KLF12: variants seen among roughly 807,000 people sequenced by gnomAD.
KLF12 encodes the protein Krueppel-like factor 12.
In KLF12, 9 loss-of-function variants were observed where a neutral mutation model predicts 37.8. That is an observed-to-expected ratio of 0.24 (90% confidence interval 0.14 to 0.42). The LOEUF is 0.42. Ranked by LOEUF, KLF12 falls within the 10% of genes least tolerant of loss-of-function variation. The probability of loss-of-function intolerance (pLI) is 1.00; values close to 1 mark genes in which losing one functional copy is unlikely to be tolerated. For missense variants in KLF12, 411 were observed against 516.0 expected (o/e 0.80, Z 1.97); for synonymous variants, 208 against 202.1 (o/e 1.03, Z -0.25).
intron 5 of KLF12, among the ~76,000 whole-genome samples, chr13:73,775,962 A>T (rs923312483): frequency 2.6e-5 from 4 of 152,204 alleles, no homozygotes; most frequent in Non-Finnish European, 5.9e-5. Flanking sequence ...ACAAAATTTT[A>T]CGTCGTTTGG....
chr13:74,101,966 T>A (rs1383756172), intron 1 of KLF12, among the ~76,000 whole-genome samples: 1 of 152,038 alleles, frequency 6.6e-6, no homozygotes, highest in African/African-American at 2.4e-5. Flanking sequence ...ACACCTGTAA[T>A]CCCAGCACTT....
intron 6 of KLF12, among the ~76,000 whole-genome samples, chr13:73,720,572 A>G (rs892214667): frequency 2.4e-4 from 37 of 152,228 alleles, no homozygotes; most frequent in African/African-American, 8.4e-4. Context: ...CATTTAGAGT[A>G]GTGAATGAAC....
At chr13:74,133,624 T>C (rs1222757302) in intron 1 of KLF12, among the ~76,000 whole-genome samples, 1 of 143,970 alleles carries the variant, frequency 6.9e-6, no homozygotes, top group African/African-American at 2.6e-5. Flanking sequence ...CTTGAGCAGA[T>C]GACAGAAGGA....
chr13:73,817,438 TG>T (rs1883296082), intron 4 of KLF12, among the ~76,000 whole-genome samples: 1 of 152,034 alleles, frequency 6.6e-6, no homozygotes, highest in Non-Finnish European at 1.5e-5. Context: ...AAAAAGTTAG[TG>T]CACCAGGTTA....
intron 2 of KLF12, among the ~76,000 whole-genome samples, chr13:73,956,857 C>T (rs1003422974): frequency 1.3e-5 from 2 of 151,156 alleles, no homozygotes; most frequent in Non-Finnish European, 2.9e-5. Flanking sequence ...CCTGGGAGGT[C>T]GAGGCTATGA....
chr13:74,213,000 T>C, the KLF12 span, among the ~76,000 whole-genome samples: 1 of 152,106 alleles, frequency 6.6e-6, no homozygotes, highest in Non-Finnish European at 1.5e-5. Flanking sequence ...ATAAAAAGTA[T>C]AATATATAAT....
the KLF12 span, among the ~76,000 whole-genome samples, chr13:74,194,709 T>C: frequency 2.0e-5 from 3 of 152,178 alleles, no homozygotes; most frequent in Admixed American, 6.5e-5. Context: ...CTAGATGACA[T>C]AGGAATTTCA....
At chr13:73,944,988 A>G (rs767335125) in intron 2 of KLF12, among the ~76,000 whole-genome samples, 13 of 152,216 alleles carry the variant, frequency 8.5e-5, no homozygotes, top group Non-Finnish European at 1.8e-4. Flanking sequence ...TTTGATTGAG[A>G]TTTTAGAATG....
At chr13:74,099,702 A>G (rs768439497) in intron 1 of KLF12, among the ~76,000 whole-genome samples, 5 of 152,204 alleles carry the variant, frequency 3.3e-5, no homozygotes, top group Non-Finnish European at 7.3e-5. Flanking sequence ...TTTCCATTTC[A>G]TAAAATTCCT....
At chr13:74,144,992 A>C in the KLF12 span, among the ~76,000 whole-genome samples, 2 of 152,282 alleles carry the variant, frequency 1.3e-5, no homozygotes, top group Admixed American at 6.5e-5. Flanking sequence ...GAAAGTGTAC[A>C]TCGTATTTAT....
At chr13:74,130,379 T>C (rs964046631) in intron 1 of KLF12, among the ~76,000 whole-genome samples, 1 of 152,188 alleles carries the variant, frequency 6.6e-6, no homozygotes, top group Admixed American at 6.5e-5. Context: ...TTTTAAAAAT[T>C]AAACTTGTAG....
At chr13:74,261,420 T>G in the KLF12 span, among the ~76,000 whole-genome samples, 1 of 152,166 alleles carries the variant, frequency 6.6e-6, no homozygotes, top group Non-Finnish European at 1.5e-5. Flanking sequence ...ATAAAAGTGC[T>G]TCGGTGGAAG....
intron 1 of KLF12, among the ~76,000 whole-genome samples, chr13:74,049,629 T>C: frequency 6.6e-6 from 1 of 152,100 alleles, no homozygotes; most frequent in Admixed American, 6.5e-5. Flanking sequence ...AAGACAATGA[T>C]GATGTGGTCT....
At chr13:73,935,313 C>T (rs778307891) in intron 3 of KLF12, among the ~76,000 whole-genome samples, 4 of 152,034 alleles carry the variant, frequency 2.6e-5, no homozygotes, top group Non-Finnish European at 4.4e-5. Context: ...TTTATTGCTA[C>T]GTATTCAGAC....
chr13:73,796,089 T>C (rs568318989), intron 5 of KLF12, among the ~76,000 whole-genome samples: 2 of 152,346 alleles, frequency 1.3e-5, no homozygotes, highest in African/African-American at 2.4e-5. Flanking sequence ...CACAAAAACA[T>C]GTTGTAATTA....
the KLF12 span, among the ~76,000 whole-genome samples, chr13:74,215,435 T>TC: frequency 1.4e-5 from 2 of 147,194 alleles, no homozygotes; most frequent in Non-Finnish European, 3.0e-5. Context: ...TTCTTTTTTT[T>TC]TTTTTTTTTT....
At chr13:73,913,535 A>C (rs1593716645) in intron 3 of KLF12, among the ~76,000 whole-genome samples, 1 of 152,188 alleles carries the variant, frequency 6.6e-6, no homozygotes, top group African/African-American at 2.4e-5. Context: ...CTTCCTACCA[A>C]TACAATGACC....
chr13:74,051,823 T>C (rs754873689), intron 1 of KLF12, among the ~76,000 whole-genome samples: 1 of 152,108 alleles, frequency 6.6e-6, no homozygotes, highest in African/African-American at 2.4e-5. Flanking sequence ...CTTTGCACAG[T>C]AGGGTGACTA....
chr13:73,981,563 A>C (rs1891689050), intron 2 of KLF12, among the ~76,000 whole-genome samples: 1 of 152,210 alleles, frequency 6.6e-6, no homozygotes, highest in Non-Finnish European at 1.5e-5. Context: ...ACAAAAGTAA[A>C]TGATACATAG....
Sources: allele counts gnomAD v4.1 joint callset (sites outside exome capture counted in the v4.1 genomes callset), GRCh38; gene constraint gnomAD v4.1.1; transcripts MANE v1.5; gene names NCBI Gene and HGNC (gene_info 2026-07-23, HGNC 2026-07-21).